Variants in PRCC observed in about 807,000 individuals in gnomAD.
PRCC encodes the protein proline rich mitotic checkpoint control factor, also known as proline-rich protein PRCC.
Under a neutral mutation model 44.0 loss-of-function variants are expected in PRCC, and 10 were observed. The observed-to-expected ratio is 0.23, with a 90% CI of 0.14 to 0.39. The LOEUF is 0.39. PRCC is among the 10% of genes least tolerant of loss of function. The probability of loss-of-function intolerance (pLI) is 1.00; values close to 1 mark genes in which losing one functional copy is unlikely to be tolerated. For synonymous variants in PRCC, 278 were observed against 259.5 expected, an observed-to-expected ratio of 1.07 and a Z score of -0.69; for missense variants, 573 against 624.7, an observed-to-expected ratio of 0.92 and a Z score of 0.88.
intron 4 of PRCC, among the ~76,000 whole-genome samples, chr1:156,793,110 C>A (rs941172024): frequency 3.9e-5 from 6 of 152,172 alleles, no homozygotes; most frequent in Admixed American, 6.5e-5. Context: ...AAAAATAATT[C>A]TTCTCTGCTT....
At chr1:156,799,496 C>T (rs1201639468) in intron 6 of PRCC, among the ~76,000 whole-genome samples, 1 of 152,186 alleles carries the variant, frequency 6.6e-6, no homozygotes, top group East Asian at 1.9e-4. Flanking sequence ...AGACCCTTTC[C>T]TGGCCCCTTT....
intron 3 of PRCC, among the ~76,000 whole-genome samples, chr1:156,788,454 A>T (rs1652354509): frequency 6.6e-6 from 1 of 152,182 alleles, no homozygotes; most frequent in Non-Finnish European, 1.5e-5. Context: ...CAGTGCTGTG[A>T]TGAACATGTG....
At chr1:156,789,592 G>A (rs1320891648) in intron 3 of PRCC, among the ~76,000 whole-genome samples, 2 of 152,094 alleles carry the variant, frequency 1.3e-5, no homozygotes, top group Admixed American at 1.3e-4. Context: ...GGAATCTGGA[G>A]GGTTGAGTGT....
chr1:156,774,477 T>G (rs908469534), intron 1 of PRCC, among the ~76,000 whole-genome samples: 7 of 151,508 alleles, frequency 4.6e-5, no homozygotes, highest in African/African-American at 1.7e-4. Flanking sequence ...CCAGCCCTTT[T>G]TCTTTTCTTT....
intron 1 of PRCC, among the ~76,000 whole-genome samples, chr1:156,776,045 C>T (rs966282791): frequency 4.6e-5 from 7 of 152,024 alleles, no homozygotes; most frequent in South Asian, 4.2e-4. Flanking sequence ...TAATAGGGGT[C>T]GGTAGAAGTT....
At chr1:156,785,444 C>T (rs765414904) in intron 2 of PRCC, among the ~76,000 whole-genome samples, 19 of 151,324 alleles carry the variant, frequency 1.3e-4, no homozygotes, top group Non-Finnish European at 2.2e-4. Context: ...ACCTGGGAGG[C>T]GGAGGTTGCA....
In PRCC at chr1:156,800,744, A is replaced by C. The variant is rs1571600192; in HGVS notation, c.*284A>C. 4 of 330,084 alleles carry C rather than the reference A, an allele frequency of 1.2e-5. No individual in the cohort carries two copies. The highest frequency in any genetic ancestry group is 8.7e-5 in the South Asian group (1 of 11,502). 20.4% of individuals were successfully genotyped at this position (330,084 alleles called of 1,614,324 possible). On this transcript the variant is annotated 3_prime_UTR_variant, in exon 7 of 7. Coordinates refer to ENST00000271526, the MANE Select transcript of PRCC (RefSeq NM_005973.5). ...TCTGTCAGGTGTGATAAAATGTTGAACCCTCCCCACCACCACTTTTTTTTT... is the reference window on the plus strand; with the variant it reads ...TCTGTCAGGTGTGATAAAATGTTGACCCCTCCCCACCACCACTTTTTTTTT...
chr1:156,773,274 A>G (rs1651698570), intron 1 of PRCC, among the ~76,000 whole-genome samples: 1 of 152,120 alleles, frequency 6.6e-6, no homozygotes, highest in South Asian at 2.1e-4. Flanking sequence ...GAGCCTGGGA[A>G]GATAAGAGAG....
chr1:156,788,109 T>C (rs1652341781), intron 3 of PRCC, among the ~76,000 whole-genome samples: 1 of 152,196 alleles, frequency 6.6e-6, no homozygotes, highest in Non-Finnish European at 1.5e-5. Flanking sequence ...GTGATGGAAT[T>C]ATAGTGTGAG....
Position 156,782,320 on chromosome 1 carries a change from T to C in PRCC, c.507T>C (p.Thr169=), listed in dbSNP as rs1372956962. 6.2e-7 allele frequency: 1 copy of C among 1,607,132 alleles called. No individual in the cohort carries two copies. The highest frequency in any genetic ancestry group is 8.5e-7 in the Non-Finnish European group (1 of 1,174,608). ...AAGATGAACCCACAAAGAAGAAAACTATCCTTCAGGTAAGCATTGTGATAT... is the reference window on the plus strand; with the variant it reads ...AAGATGAACCCACAAAGAAGAAAACCATCCTTCAGGTAAGCATTGTGATAT... ...SEEDEPTKKK[T]ILQGSSEGTG... The change falls in exon 2 of 7, where the codon ACT becomes ACC. Residue 169 remains threonine, a synonymous_variant. Transcript: ENST00000271526.
At chr1:156,794,622 C>A (rs565749602) in intron 4 of PRCC, 43 bp from the exon 5 acceptor site, 1 of 1,608,396 alleles carries the variant, frequency 6.2e-7, no homozygotes, top group South Asian at 1.1e-5. Context: ...TCTGCTGACA[C>A]CCTTGCCCAG....
At chr1:156,772,060 T>C (rs1487747214) in intron 1 of PRCC, among the ~76,000 whole-genome samples, 1 of 152,210 alleles carries the variant, frequency 6.6e-6, no homozygotes, top group East Asian at 1.9e-4. Flanking sequence ...GGTTTCACCA[T>C]GTTGCCAAGG....
At chr1:156,796,269 T>G (rs1303672030) in intron 5 of PRCC, 1 of 152,238 alleles carries the variant, frequency 6.6e-6, no homozygotes, top group Admixed American at 6.5e-5. Flanking sequence ...GCAATTAGTA[T>G]TTGCTATTTT....
intron 2 of PRCC, among the ~76,000 whole-genome samples, chr1:156,783,960 TG>T (rs1553253010): frequency 6.7e-6 from 1 of 150,010 alleles, no homozygotes; most frequent in African/African-American, 2.4e-5. Flanking sequence ...TTTTTTTTTT[TG>T]GGGGGGACGG....
At chr1:156,791,616 TTC>T (rs1652474131) in intron 3 of PRCC, 79 bp from the exon 4 acceptor site, 2 of 1,307,506 alleles carry the variant, frequency 1.5e-6, no homozygotes, top group Admixed American at 4.6e-5. Flanking sequence ...GATGACAATT[TTC>T]TGTTTCTGGA....
chr1:156,781,455 G>T (rs549415480), intron 1 of PRCC, among the ~76,000 whole-genome samples: 1 of 152,324 alleles, frequency 6.6e-6, no homozygotes, highest in Admixed American at 6.5e-5. Flanking sequence ...CAAATGGAAA[G>T]CTTTAAGGTT....
At chr1:156,776,437 A>T (rs996438732) in intron 1 of PRCC, among the ~76,000 whole-genome samples, 4 of 151,410 alleles carry the variant, frequency 2.6e-5, no homozygotes, top group Non-Finnish European at 5.9e-5. Flanking sequence ...TAAATCTAGA[A>T]ATAATAGACT....
Position 156,767,672 on chromosome 1 carries a change from C to T in PRCC, c.-100C>T. ...ACGGAGCAGGCGGACTTTTCGGTTC[C>T]CCGCCCCGCCAGGTGGCGGGGCCTA... On this transcript the variant is annotated 5_prime_UTR_variant, in exon 1 of 7. Transcript: ENST00000271526. 7.7e-7 allele frequency: 1 copy of T among 1,292,762 alleles called. No individual in the cohort carries two copies. Among genetic ancestry groups the T allele is most frequent in the East Asian group, 2.5e-5 (1 of 39,358 alleles). The allele number at this position is 1,292,762 out of a possible 1,614,324, so 80.1% of individuals were successfully genotyped here.
At chr1:156,771,281 G>T (rs1651624710) in intron 1 of PRCC, among the ~76,000 whole-genome samples, 1 of 152,186 alleles carries the variant, frequency 6.6e-6, no homozygotes, top group South Asian at 2.1e-4. Flanking sequence ...AGAGGCTCAG[G>T]CCAGATAATG....
Sources: allele counts gnomAD v4.1 joint callset (sites outside exome capture counted in the v4.1 genomes callset), GRCh38; gene constraint gnomAD v4.1.1; transcripts MANE v1.5; gene names NCBI Gene and HGNC (gene_info 2026-07-23, HGNC 2026-07-21).